Variants in C2CD5 observed in about 807,000 individuals in gnomAD.
The protein encoded by C2CD5 is C2 calcium dependent domain containing 5, also known as C2 domain-containing protein 5.
Under a neutral mutation model 130.3 loss-of-function variants are expected in C2CD5, and 109 were observed. The observed-to-expected ratio is 0.84, with a 90% CI of 0.72 to 0.98. The LOEUF is 0.98. Among genes scored for constraint, C2CD5 ranks in the 50% least tolerant of loss-of-function variants. The probability of loss-of-function intolerance (pLI) is 0.00; values close to 1 mark genes in which losing one functional copy is unlikely to be tolerated. For synonymous variants in C2CD5, 454 were observed against 429.2 expected (o/e 1.06, Z -0.71); for missense variants, 996 against 1,261.8 (o/e 0.79, Z 3.19).
chr12:22,468,272 G>A (rs1397228644), intron 22 of C2CD5, among the ~76,000 whole-genome samples: 4 of 152,130 alleles, frequency 2.6e-5, no homozygotes, highest in Non-Finnish European at 5.9e-5. Context: ...GGGCTGGAGT[G>A]CAGTGGCACA....
chr12:22,456,422 A>G (rs1939877705), intron 25 of C2CD5, among the ~76,000 whole-genome samples: 1 of 152,200 alleles, frequency 6.6e-6, no homozygotes, highest in African/African-American at 2.4e-5. Context: ...CTTTTCCCAC[A>G]TCAAGTAAAA....
rs534179514 is a variant in C2CD5 at position 22,453,766 on chromosome 12, T to TA, written c.3024+129dup. 71 of 744,338 alleles carry TA rather than the reference T, an allele frequency of 9.5e-5. No homozygotes were observed. In the African/African-American group the frequency reaches 1.1e-3, roughly 11 times the overall value. The allele number at this position is 744,338 out of a possible 1,614,324, so 46.1% of individuals were successfully genotyped here. On this transcript the variant is annotated intron_variant, in intron 26 of 26. Coordinates refer to ENST00000446597, the MANE Select transcript of C2CD5 (RefSeq NM_001286176.2). The stretch of plus-strand genomic sequence containing the variant: ...TGACCATGGTTATGAATAAACTCAT[T>TA]AAAATATCTTACGCATCTAGACTCA...
At chr12:22,521,629 C>T (rs907483916) in intron 7 of C2CD5, among the ~76,000 whole-genome samples, 11 of 152,208 alleles carry the variant, frequency 7.2e-5, no homozygotes, top group Non-Finnish European at 1.2e-4. Flanking sequence ...CTGCTGGCAG[C>T]TGGCAATTCT....
intron 4 of C2CD5, among the ~76,000 whole-genome samples, chr12:22,527,330 A>ATATATT (rs1472237626): frequency 1.2e-4 from 17 of 138,146 alleles, no homozygotes; most frequent in African/African-American, 4.8e-4. Flanking sequence ...ATATATATAT[A>ATATATT]TTTTTTTTTT....
intron 9 of C2CD5, among the ~76,000 whole-genome samples, chr12:22,512,291 G>T (rs1949273759): frequency 1.3e-5 from 2 of 152,222 alleles, no homozygotes; most frequent in South Asian, 4.1e-4. Context: ...TTTATGAAAT[G>T]TATCCTTTTT....
chr12:22,475,766 TTTATC>T (rs1223924411), intron 15 of C2CD5, among the ~76,000 whole-genome samples: 1 of 152,176 alleles, frequency 6.6e-6, no homozygotes, highest in Non-Finnish European at 1.5e-5. Context: ...TTCACATCAA[TTTATC>T]TTATTTGTAC....
chr12:22,473,316 C>A (rs1198770928), intron 16 of C2CD5, among the ~76,000 whole-genome samples: 1 of 152,150 alleles, frequency 6.6e-6, no homozygotes, highest in African/African-American at 2.4e-5. Context: ...GCTGGACAGG[C>A]GCTGACATTC....
intron 10 of C2CD5, among the ~76,000 whole-genome samples, chr12:22,494,848 T>C (rs945479296): frequency 5.9e-5 from 9 of 152,106 alleles, no homozygotes; most frequent in African/African-American, 1.9e-4. Flanking sequence ...TATTCCCAAA[T>C]GAAATGTATA....
At chr12:22,517,956 A>G in intron 8 of C2CD5, 30 bp downstream of exon 8, 1 of 1,553,456 alleles carries the variant, frequency 6.4e-7, no homozygotes, top group Non-Finnish European at 8.7e-7. Flanking sequence ...TTAAAAAAGA[A>G]AAAATAAAAG....
At chr12:22,460,988 C>T (rs1230353029) in intron 22 of C2CD5, among the ~76,000 whole-genome samples, 2 of 152,180 alleles carry the variant, frequency 1.3e-5, no homozygotes, top group African/African-American at 4.8e-5. Flanking sequence ...GAGGATACCA[C>T]ACTGTGGACA....
chr12:22,520,694 G>A (rs1222532443), intron 7 of C2CD5, among the ~76,000 whole-genome samples: 1 of 151,992 alleles, frequency 6.6e-6, no homozygotes, highest in African/African-American at 2.4e-5. Flanking sequence ...ATAATCAGTA[G>A]TATACACAGG....
chr12:22,502,828 T>C (rs1189304142), intron 10 of C2CD5: 2 of 1,431,022 alleles, frequency 1.4e-6, no homozygotes, highest in South Asian at 2.4e-5. Flanking sequence ...AGCAAATTAG[T>C]AGATCAGTTT....
chr12:22,466,402 T>C (rs977479070), intron 22 of C2CD5, among the ~76,000 whole-genome samples: 2 of 152,216 alleles, frequency 1.3e-5, no homozygotes, highest in Non-Finnish European at 2.9e-5. Context: ...AAGCCTCTTA[T>C]GGTTGCATAT....
intron 2 of C2CD5, among the ~76,000 whole-genome samples, chr12:22,538,584 T>A (rs1359368999): frequency 1.3e-5 from 2 of 152,226 alleles, no homozygotes; most frequent in South Asian, 2.1e-4. Context: ...CAGCTTCAAC[T>A]GTATTGACCT....
intron 3 of C2CD5, among the ~76,000 whole-genome samples, chr12:22,528,502 C>T (rs746669378): frequency 3.9e-5 from 6 of 152,154 alleles, no homozygotes; most frequent in Admixed American, 6.5e-5. Context: ...TCATGGAAGA[C>T]GTACTCACTA....
At chr12:22,514,632 T>C (rs1418104483) in intron 8 of C2CD5, among the ~76,000 whole-genome samples, 1 of 152,026 alleles carries the variant, frequency 6.6e-6, no homozygotes, top group African/African-American at 2.4e-5. Flanking sequence ...TTTAGCAACA[T>C]GATGACACAG....
At chr12:22,532,028 G>A (rs575818321) in intron 3 of C2CD5, among the ~76,000 whole-genome samples, 1 of 152,232 alleles carries the variant, frequency 6.6e-6, no homozygotes, top group East Asian at 1.9e-4. Flanking sequence ...TATCCAAAAT[G>A]CTGAGTGATT....
chr12:22,467,181 G>GTT (rs57130635), intron 22 of C2CD5, among the ~76,000 whole-genome samples: 1 of 151,692 alleles, frequency 6.6e-6, no homozygotes, highest in African/African-American at 2.4e-5. Flanking sequence ...TTTTTATTCT[G>GTT]TTTTTTTTGA....
At chr12:22,514,216 T>C (rs1949485885) in intron 8 of C2CD5, among the ~76,000 whole-genome samples, 1 of 152,094 alleles carries the variant, frequency 6.6e-6, no homozygotes, top group African/African-American at 2.4e-5. Context: ...CCCATCCCTT[T>C]CAAAACGTAA....
Sources: allele counts gnomAD v4.1 joint callset (sites outside exome capture counted in the v4.1 genomes callset), GRCh38; gene constraint gnomAD v4.1.1; transcripts MANE v1.5; gene names NCBI Gene and HGNC (gene_info 2026-07-23, HGNC 2026-07-21).